The following ANKMY2 variants were observed in gnomAD, a reference collection of about 807,000 sequenced individuals.
ANKMY2 encodes the protein ankyrin repeat and MYND domain-containing protein 2.
A neutral mutation model predicts 50.4 loss-of-function variants in ANKMY2; 36 were observed. That is an observed-to-expected ratio of 0.71 (90% CI 0.55 to 0.94). The LOEUF is 0.94. Among genes scored for constraint, ANKMY2 ranks in the 40% least tolerant of loss-of-function variants. The pLI is 0.00. For missense variants in ANKMY2, 565 were observed against 524.0 expected, an observed-to-expected ratio of 1.08 and a Z score of -0.76; for synonymous variants, 187 against 178.8, an observed-to-expected ratio of 1.05 and a Z score of -0.36.
At chr7:16,621,826 G>A (rs1313899232) in intron 4 of ANKMY2, among the ~76,000 whole-genome samples, 3 of 151,966 alleles carry the variant, frequency 2.0e-5, no homozygotes, top group African/African-American at 4.8e-5. Flanking sequence ...ACAATTAGCT[G>A]GGTGTGGTGG....
Position 16,604,785 on chromosome 7 carries a change from T to C in ANKMY2, c.947A>G (p.Asp316Gly), listed in dbSNP as rs758423349. Reference protein sequence around the residue: ...QAITGQVGFVDVEFCTTCGEK... With the variant: ...QAITGQVGFVGVEFCTTCGEK... Reference sequence around the variant, plus strand: ...TCCACAGGTAGTGCAAAATTCCACATCCACAAAACCCACCTGGCCAGTGAT... The same window carrying C: ...TCCACAGGTAGTGCAAAATTCCACACCCACAAAACCCACCTGGCCAGTGAT... The change falls in exon 8 of 10, where the codon GAT becomes GGT. Residue 316 changes from aspartate to glycine, a missense_variant. By Grantham distance (94) the Asp-to-Gly change is moderately conservative. Coordinates refer to ENST00000306999, the MANE Select transcript of ANKMY2 (RefSeq NM_020319.3). 1.2e-6 allele frequency: 2 copies of C among 1,614,026 alleles called. No individual in the cohort carries two copies. The highest frequency in any genetic ancestry group is 2.2e-5 in the East Asian group (1 of 44,866).
rs921861504 is a variant in ANKMY2 at position 16,635,523 on chromosome 7, T to C, written c.132+868A>G. ...TTATTATATATTAATTATACCTCAATAAAGCTGCTAATAACCGAAAGAAAT... is the reference window on the plus strand; with the variant it reads ...TTATTATATATTAATTATACCTCAACAAAGCTGCTAATAACCGAAAGAAAT... On this transcript the variant is annotated intron_variant, in intron 2 of 9. Transcript: ENST00000306999. Among the ~76,000 whole-genome samples the C allele has an allele frequency of 1.4e-4, 21 of 152,188 alleles. 1 individual carries two copies. Among genetic ancestry groups the C allele is most frequent in the Non-Finnish European group, 5.9e-5 (4 of 68,026 alleles).
intron 3 of ANKMY2, 52 bp downstream of exon 3, chr7:16,626,988 C>A: frequency 1.4e-6 from 2 of 1,433,068 alleles, no homozygotes; most frequent in Non-Finnish European, 9.3e-7. Flanking sequence ...TATATATGTA[C>A]TTATAACAAG....
Position 16,615,863 on chromosome 7 carries a change from G to A in ANKMY2, c.412C>T (p.Arg138Ter), listed in dbSNP as rs768646683. The A allele has an allele frequency of 1.7e-5, 27 of 1,613,790 alleles. No individual in the cohort carries two copies. Among genetic ancestry groups the A allele is most frequent in the South Asian group, 3.3e-5 (3 of 91,042 alleles). Residue 138 changes from arginine to a stop codon, truncating the protein, a stop_gained, in exon 5 of 10, where the codon CGA becomes TGA. Coordinates refer to ENST00000306999, the MANE Select transcript of ANKMY2 (RefSeq NM_020319.3). LOFTEE classifies it high-confidence loss of function. Reference sequence around the variant, plus strand: ...TTAGTGTAATAATCCAGTCTCTCTCGAGGAAAGAAATTGTTGATTATGGTC... The same window carrying A: ...TTAGTGTAATAATCCAGTCTCTCTCAAGGAAAGAAATTGTTGATTATGGTC... ...CVTIINNFFP[R>*]ERLDYYTKPQ... is the part of the protein sequence containing the mutation.
intron 7 of ANKMY2, among the ~76,000 whole-genome samples, chr7:16,607,333 A>G (rs1781176889): frequency 6.6e-6 from 1 of 152,168 alleles, no homozygotes; most frequent in Admixed American, 6.5e-5. Flanking sequence ...TGGGAGGCCA[A>G]GGCGGGCAGA....
At chr7:16,643,421 T>C (rs1383345816) in intron 1 of ANKMY2, among the ~76,000 whole-genome samples, 4 of 152,192 alleles carry the variant, frequency 2.6e-5, no homozygotes, top group Non-Finnish European at 4.4e-5. Context: ...TCTTTATGAG[T>C]GCAAGTGATG....
rs1781128607 is a variant in ANKMY2, at chr7:16,604,971, G to A, written c.883-122C>T. The A allele has an allele frequency of 5.2e-6, 5 of 970,324 alleles. No individual in the cohort carries two copies. In the South Asian group the frequency reaches 1.6e-4, roughly 30 times the overall value. The allele number at this position is 970,324 out of a possible 1,614,324, so 60.1% of individuals were successfully genotyped here. On this transcript the variant is annotated intron_variant, in intron 7 of 9. Coordinates refer to ENST00000306999, the MANE Select transcript of ANKMY2 (RefSeq NM_020319.3). ...GACACAAAAAGGAAGAAATCATTAA[G>A]GCTATAGATTACACAGGCTTTAAGA... is the stretch of plus-strand genomic sequence containing the variant.
At chr7:16,643,114 C>T (rs186391560) in intron 1 of ANKMY2, among the ~76,000 whole-genome samples, 5 of 152,140 alleles carry the variant, frequency 3.3e-5, no homozygotes, top group Admixed American at 2.0e-4. Context: ...CCCATAACAA[C>T]GTTGTGAGGT....
chr7:16,622,330 A>T (rs1056584398), intron 4 of ANKMY2, among the ~76,000 whole-genome samples: 2 of 152,258 alleles, frequency 1.3e-5, no homozygotes, highest in Non-Finnish European at 2.9e-5. Context: ...GTAAGTTCAC[A>T]ATGTACCATC....
intron 7 of ANKMY2, among the ~76,000 whole-genome samples, chr7:16,607,906 G>C (rs986234592): frequency 6.6e-6 from 1 of 152,074 alleles, no homozygotes; most frequent in African/African-American, 2.4e-5. Flanking sequence ...CTGGACTCCT[G>C]TGTAGCTAAG....
chr7:16,637,681 G>A (rs1379877586), intron 1 of ANKMY2, among the ~76,000 whole-genome samples: 1 of 152,180 alleles, frequency 6.6e-6, no homozygotes, highest in Non-Finnish European at 1.5e-5. Flanking sequence ...AACCTTATTC[G>A]TATCTGTGTC....
At chr7:16,630,025 A>C (rs1781559937) in intron 2 of ANKMY2, among the ~76,000 whole-genome samples, 1 of 152,182 alleles carries the variant, frequency 6.6e-6, no homozygotes, top group African/African-American at 2.4e-5. Flanking sequence ...CAATACTGCT[A>C]ATCTACTAGA....
At chr7:16,645,003 A>C (rs1781810586) in intron 1 of ANKMY2, among the ~76,000 whole-genome samples, 1 of 152,166 alleles carries the variant, frequency 6.6e-6, no homozygotes, top group Admixed American at 6.5e-5. Context: ...TTACAGACCT[A>C]GTTCTGTACC....
Position 16,637,409 on chromosome 7 carries a change from C to T in ANKMY2, c.68-954G>A, listed in dbSNP as rs548744438. On this transcript the variant is annotated intron_variant, in intron 1 of 9. Coordinates refer to ENST00000306999, the MANE Select transcript of ANKMY2 (RefSeq NM_020319.3). ...TTAGCATGCTTTTTTCTCTCTGACC[C>T]ACTTCTTAAGCAAGTCACCTGAGTT... Among the ~76,000 whole-genome samples the T allele has an allele frequency of 2.6e-5, 4 of 152,244 alleles. No homozygotes were observed. In the South Asian group the frequency reaches 6.2e-4, roughly 24 times the overall value.
At chr7:16,636,873 G>A (rs1050925107) in intron 1 of ANKMY2, among the ~76,000 whole-genome samples, 4 of 152,174 alleles carry the variant, frequency 2.6e-5, no homozygotes, top group African/African-American at 9.7e-5. Context: ...TAATTTGTCA[G>A]CACCACATCT....
intron 1 of ANKMY2, among the ~76,000 whole-genome samples, chr7:16,642,407 G>A (rs1447565141): frequency 1.3e-5 from 2 of 152,094 alleles, no homozygotes; most frequent in African/African-American, 2.4e-5. Context: ...ATTTAAATGG[G>A]TATGTTGGAA....
At chr7:16,607,668 C>CTTT (rs60554872) in intron 7 of ANKMY2, among the ~76,000 whole-genome samples, 1 of 126,188 alleles carries the variant, frequency 7.9e-6, no homozygotes, top group Non-Finnish European at 1.7e-5. Context: ...TATTGACCTG[C>CTTT]TTTTTTTTTT....
At chr7:16,644,669 G>A (rs894799525) in intron 1 of ANKMY2, 1 of 471,016 alleles carries the variant, frequency 2.1e-6, no homozygotes, top group African/African-American at 2.0e-5. Context: ...GAAGCATGCA[G>A]TCACGCTGAT....
intron 4 of ANKMY2, among the ~76,000 whole-genome samples, chr7:16,619,480 A>G (rs1781403762): frequency 6.6e-6 from 1 of 152,166 alleles, no homozygotes; most frequent in South Asian, 2.1e-4. Context: ...AAAAGAAAAA[A>G]TAGTATTACT....
Sources: allele counts gnomAD v4.1 joint callset (sites outside exome capture counted in the v4.1 genomes callset), GRCh38; gene constraint gnomAD v4.1.1; transcripts MANE v1.5; gene names NCBI Gene and HGNC (gene_info 2026-07-23, HGNC 2026-07-21).